The following NELL2 variants were observed in gnomAD, a reference collection of about 807,000 sequenced individuals.
NELL2 encodes neural EGFL like 2.
Under a neutral mutation model 109.6 loss-of-function variants are expected in NELL2, and 41 were observed. The ratio of observed to expected loss-of-function variants is 0.37; its 90% CI spans 0.29 to 0.49. The LOEUF (loss-of-function observed/expected upper bound fraction) is 0.49. Among genes scored for constraint, NELL2 ranks in the 20% least tolerant of loss-of-function variants. The probability of loss-of-function intolerance (pLI) is 0.98; values close to 1 mark genes in which losing one functional copy is unlikely to be tolerated. For synonymous variants in NELL2, 355 were observed against 344.7 expected (o/e 1.03, Z -0.33); for missense variants, 900 against 1,008.3 (o/e 0.89, Z 1.45).
At chr12:44,832,576 G>A (rs998626164) in intron 2 of NELL2, among the ~76,000 whole-genome samples, 3 of 152,104 alleles carry the variant, frequency 2.0e-5, no homozygotes, top group South Asian at 2.1e-4. Context: ...CTACTTCCAC[G>A]CCTTTTCATA....
At chr12:44,580,010 T>C (rs1944265722) in intron 15 of NELL2, among the ~76,000 whole-genome samples, 1 of 152,186 alleles carries the variant, frequency 6.6e-6, no homozygotes, top group African/African-American at 2.4e-5. Context: ...TATTTAACTA[T>C]CCAGAAAGCT....
intron 12 of NELL2, among the ~76,000 whole-genome samples, chr12:44,700,441 T>C (rs1949195881): frequency 6.6e-6 from 1 of 152,190 alleles, no homozygotes; most frequent in South Asian, 2.1e-4. Flanking sequence ...TTCAAGATCC[T>C]GCTTCTCATT....
chr12:44,693,907 C>T (rs1408536924), intron 12 of NELL2, among the ~76,000 whole-genome samples: 1 of 152,176 alleles, frequency 6.6e-6, no homozygotes, highest in Non-Finnish European at 1.5e-5. Context: ...AATAATGTTT[C>T]CATATATCAT....
At chr12:44,712,822 A>T (rs539449007) in intron 10 of NELL2, among the ~76,000 whole-genome samples, 1 of 152,084 alleles carries the variant, frequency 6.6e-6, no homozygotes, top group South Asian at 2.1e-4. Context: ...AATAAATTTA[A>T]TATTGATTAC....
At chr12:44,656,197 G>T (rs191182387) in intron 13 of NELL2, among the ~76,000 whole-genome samples, 65 of 152,228 alleles carry the variant, frequency 4.3e-4, no homozygotes, top group African/African-American at 1.5e-3. Flanking sequence ...GTGAAACCCT[G>T]AATGTTTCCA....
chr12:44,656,155 G>A (rs1947491756), intron 13 of NELL2, among the ~76,000 whole-genome samples: 1 of 152,148 alleles, frequency 6.6e-6, no homozygotes, highest in African/African-American at 2.4e-5. Context: ...TTGTTTAGAG[G>A]TGCTATTCTT....
rs12099796 is a variant in NELL2, at chr12:44,802,274, T to C, written c.335+13712A>G. ...GGAAAACATGAGGTTTATTTTTAAATGAATAAAACATACATTTTAACCAAC... is the reference window on the plus strand; with the variant it reads ...GGAAAACATGAGGTTTATTTTTAAACGAATAAAACATACATTTTAACCAAC... On this transcript the variant is annotated intron_variant, in intron 3 of 19. Transcript: ENST00000429094. Among the ~76,000 whole-genome samples, 1,437 of 152,188 alleles carry C rather than the reference T, an allele frequency of 9.4e-3. 17 individuals carry two copies. Among genetic ancestry groups the C allele is most frequent in the African/African-American group, 0.032 (1,335 of 41,548 alleles).
chr12:44,681,392 A>G (rs1205124230), intron 12 of NELL2, among the ~76,000 whole-genome samples: 1 of 148,054 alleles, frequency 6.8e-6, no homozygotes, highest in African/African-American at 2.5e-5. Flanking sequence ...TTTTTTATTT[A>G]TTTTTATTTA....
At chr12:44,601,376 T>A (rs892966770) in intron 15 of NELL2, among the ~76,000 whole-genome samples, 1 of 152,178 alleles carries the variant, frequency 6.6e-6, no homozygotes, top group Non-Finnish European at 1.5e-5. Flanking sequence ...TTGAATAATA[T>A]AAAGATTTAT....
intron 9 of NELL2, among the ~76,000 whole-genome samples, chr12:44,770,625 C>T (rs557268185): frequency 1.7e-4 from 26 of 152,290 alleles, no homozygotes; most frequent in African/African-American, 5.8e-4. Flanking sequence ...TGACCTTGCT[C>T]AACCAAAAGA....
chr12:44,716,050 T>TA (rs1456016254), intron 9 of NELL2, among the ~76,000 whole-genome samples: 1 of 152,108 alleles, frequency 6.6e-6, no homozygotes, highest in Non-Finnish European at 1.5e-5. Context: ...TCCTTCTGCC[T>TA]AAGCCTCCCA....
chr12:44,913,284 G>C (rs1254328159), intron 1 of NELL2, among the ~76,000 whole-genome samples: 3 of 152,274 alleles, frequency 2.0e-5, no homozygotes, highest in African/African-American at 7.2e-5. Flanking sequence ...GTGAGCCACA[G>C]TCTCCTAGCT....
chr12:44,777,255 T>C lies in NELL2; in HGVS notation c.666A>G (p.Pro222=). ...TAATAGACTTACTGCGATTAAGATC[T>C]GGGCACTGAGCAATAAATCCCTGGG... ...VMPQGFIAQC[P]DLNRTCPTCN... Residue 222 remains proline (P), a synonymous_variant, in exon 6 of 20, where the codon CCA becomes CCG. Transcript: ENST00000429094. The C allele has an allele frequency of 1.2e-6, 2 of 1,613,754 alleles. No homozygotes were observed. The highest frequency in any genetic ancestry group is 1.7e-4 in the Middle Eastern group (1 of 6,058).
intron 15 of NELL2, among the ~76,000 whole-genome samples, chr12:44,538,403 T>A (rs1165673039): frequency 6.6e-6 from 1 of 152,222 alleles, no homozygotes; most frequent in Non-Finnish European, 1.5e-5. Flanking sequence ...GCACATTCCA[T>A]GCCCATCTCC....
intron 13 of NELL2, among the ~76,000 whole-genome samples, chr12:44,612,570 T>A (rs894958381): frequency 1.3e-5 from 2 of 151,862 alleles, no homozygotes; most frequent in Non-Finnish European, 2.9e-5. Context: ...CACATGGGTC[T>A]CCTAATTGAG....
chr12:44,512,144 G>A (rs1162245210), intron 19 of NELL2, among the ~76,000 whole-genome samples: 2 of 152,048 alleles, frequency 1.3e-5, no homozygotes, highest in African/African-American at 4.8e-5. Context: ...AACACTGCAA[G>A]TAATCCAATT....
chr12:44,876,271 C>G lies in NELL2; in HGVS notation c.-402G>C, dbSNP rs545078742. On this transcript the variant is annotated 5_prime_UTR_variant, in exon 1 of 20. Coordinates refer to ENST00000429094, the MANE Select transcript of NELL2 (RefSeq NM_001145108.2). The stretch of plus-strand genomic sequence containing the variant: ...CCGGGCTGGGGCGGCCCCGCACCCC[C>G]CCGTCTTCCCCGCCGCCCGAACCTG... The G allele has an allele frequency of 1.9e-5, 22 of 1,157,722 alleles. No individual in the cohort carries two copies. The South Asian group carries it at 2.1e-4, about 11-fold the overall frequency. The allele number at this position is 1,157,722 out of a possible 1,614,324, so 71.7% of individuals were successfully genotyped here. A position where few individuals can be genotyped will look rare whatever the true frequency, so the allele number is the denominator to read the frequency against.
chr12:44,603,303 G>C (rs1592191314), intron 15 of NELL2, among the ~76,000 whole-genome samples: 1 of 152,038 alleles, frequency 6.6e-6, no homozygotes, highest in East Asian at 1.9e-4. Context: ...CTTTTTCCCA[G>C]TTATAAATAT....
intron 9 of NELL2, among the ~76,000 whole-genome samples, chr12:44,719,150 C>T (rs1226264948): frequency 6.6e-6 from 1 of 152,106 alleles, no homozygotes; most frequent in Non-Finnish European, 1.5e-5. Flanking sequence ...AAACGATTAA[C>T]AGCAAATAGG....
Sources: allele counts gnomAD v4.1 joint callset (sites outside exome capture counted in the v4.1 genomes callset), GRCh38; gene constraint gnomAD v4.1.1; transcripts MANE v1.5; gene names NCBI Gene and HGNC (gene_info 2026-07-23, HGNC 2026-07-21).